Variants in HSD17B4 observed in about 807,000 individuals in gnomAD.
HSD17B4 encodes peroxisomal multifunctional enzyme type 2.
In HSD17B4, 70 loss-of-function variants were observed where a neutral mutation model predicts 101.0. That is an observed-to-expected ratio of 0.69 (90% CI 0.57 to 0.85). The LOEUF (loss-of-function observed/expected upper bound fraction) is 0.85. Among genes scored for constraint, HSD17B4 ranks in the 40% least tolerant of loss-of-function variants. The probability of loss-of-function intolerance (pLI) is 0.00; values close to 1 mark genes in which losing one functional copy is unlikely to be tolerated. For synonymous variants in HSD17B4, 347 were observed against 297.1 expected, an observed-to-expected ratio of 1.17 and a Z score of -1.73; for missense variants, 984 against 892.4, an observed-to-expected ratio of 1.10 and a Z score of -1.31.
At chr5:119,484,842 T>C (rs1434171827) in intron 8 of HSD17B4, among the ~76,000 whole-genome samples, 1 of 144,472 alleles carries the variant, frequency 6.9e-6, no homozygotes. Context: ...TTTTTTCCCC[T>C]GTTTCCTTGA....
At chr5:119,538,231 A>T (rs905254095) in intron 23 of HSD17B4, among the ~76,000 whole-genome samples, 7 of 152,184 alleles carry the variant, frequency 4.6e-5, no homozygotes, top group Non-Finnish European at 1.0e-4. Context: ...TGTAAAAATT[A>T]TCTTAGATTC....
At chr5:119,477,977 T>A (rs1485576838) in intron 7 of HSD17B4, 1 of 171,002 alleles carries the variant, frequency 5.8e-6, no homozygotes, top group African/African-American at 2.4e-5. Context: ...GGTCTCAAAC[T>A]CTTGGGCCCA....
intron 17 of HSD17B4, 56 bp downstream of exon 17, chr5:119,515,102 T>C: frequency 1.1e-6 from 1 of 917,334 alleles, no homozygotes; most frequent in South Asian, 1.3e-5. Flanking sequence ...CACTTTTTAA[T>C]TTATAGCTCT....
intron 14 of HSD17B4, among the ~76,000 whole-genome samples, chr5:119,503,179 C>A (rs1242710446): frequency 6.7e-6 from 1 of 150,304 alleles, no homozygotes. Context: ...AAGCTCCTTA[C>A]ATGTTTCATA....
intron 12 of HSD17B4, among the ~76,000 whole-genome samples, chr5:119,497,433 TTC>T (rs1221655955): frequency 2.0e-5 from 3 of 152,198 alleles, no homozygotes; most frequent in African/African-American, 7.2e-5. Context: ...ACAGTTCTCA[TTC>T]TACCCGTTCA....
At chr5:119,512,330 A>G (rs920949337) in intron 16 of HSD17B4, among the ~76,000 whole-genome samples, 11 of 152,178 alleles carry the variant, frequency 7.2e-5, no homozygotes, top group African/African-American at 2.7e-4. Context: ...AACATTATAC[A>G]TCCAAGAAGC....
rs765702241 is a variant in HSD17B4, at chr5:119,456,323, C to G, written c.67C>G (p.Arg23Gly). The G allele has an allele frequency of 4.0e-5, 65 of 1,610,502 alleles. No individual in the cohort carries two copies. Among genetic ancestry groups the G allele is most frequent in the Non-Finnish European group, 5.4e-5 (63 of 1,176,896 alleles). Residue 23 changes from arginine to glycine, a missense_variant, in exon 2 of 24, where the codon CGA becomes GGA. By Grantham distance (125) the Arg-to-Gly change is moderately radical. Coordinates refer to ENST00000510025, the MANE Select transcript of HSD17B4 (RefSeq NM_000414.4). Reference protein sequence around the residue: ...LVTGAGAGLGRAYALAFAERG... With the variant: ...LVTGAGAGLGGAYALAFAERG... The stretch of plus-strand genomic sequence containing the variant: ...ATTTTGTTTTTGATTAGGATTGGGC[C>G]GAGCCTATGCCCTGGCTTTTGCAGA...
At position 119,511,172 on chromosome 5, in the gene HSD17B4, G is replaced by A. The variant is rs140646235; in HGVS notation, c.1437+1928G>A. Among the ~76,000 whole-genome samples, 15 of 152,304 alleles carry A rather than the reference G, an allele frequency of 9.8e-5. No individual in the cohort carries two copies. In the East Asian group the frequency reaches 2.7e-3, roughly 27 times the overall value. ...TGCAGAAATTCTGCCTAGAGGGAGA[G>A]GAAGGCTGTAATAACACAAAGTTCT... On this transcript the variant is annotated intron_variant, in intron 16 of 23. Coordinates refer to ENST00000510025, the MANE Select transcript of HSD17B4 (RefSeq NM_000414.4).
At chr5:119,541,306 A>G (rs1754970047) in intron 23 of HSD17B4, among the ~76,000 whole-genome samples, 2 of 152,156 alleles carry the variant, frequency 1.3e-5, no homozygotes, top group African/African-American at 2.4e-5. Context: ...GAGTTGTGTT[A>G]TTTAGGGACT....
At position 119,458,834 on chromosome 5, in the gene HSD17B4, T is replaced by G. The variant is rs543841392; in HGVS notation, c.112+2466T>G. On this transcript the variant is annotated intron_variant, in intron 2 of 23. Transcript: ENST00000510025. ...AATTACATCTTTCAGGAAATGCTTG[T>G]GCATTTCTTAAGTAGGTTATTGGGA... Among the ~76,000 whole-genome samples, 45 of 152,346 alleles carry G rather than the reference T, an allele frequency of 3.0e-4. 1 individual carries two copies. The highest frequency in any genetic ancestry group is 1.1e-3 in the African/African-American group (44 of 41,580).
At chr5:119,525,174 A>G in intron 17 of HSD17B4, 42 bp from the exon 18 acceptor site, 22 of 1,411,878 alleles carry the variant, frequency 1.6e-5, no homozygotes, top group Non-Finnish European at 2.2e-5. Flanking sequence ...ATGTATTCTA[A>G]CAAAACACTG....
intron 11 of HSD17B4, among the ~76,000 whole-genome samples, chr5:119,494,793 A>G (rs1483505168): frequency 2.6e-5 from 4 of 152,150 alleles, no homozygotes; most frequent in African/African-American, 7.2e-5. Context: ...CATAGAAGGG[A>G]CTTAATAATT....
chr5:119,453,988 G>A (rs1754342460), intron 1 of HSD17B4, among the ~76,000 whole-genome samples: 1 of 152,150 alleles, frequency 6.6e-6, no homozygotes, highest in Non-Finnish European at 1.5e-5. Context: ...GGCTATATCT[G>A]AAAATCATTC....
chr5:119,502,188 C>G, intron 14 of HSD17B4, 96 bp downstream of exon 14: 1 of 810,676 alleles, frequency 1.2e-6, no homozygotes. Context: ...ATAGAGTGAC[C>G]TAATGAAACA....
chr5:119,529,822 G>C, intron 20 of HSD17B4, 72 bp from the exon 21 acceptor site: 1 of 883,398 alleles, frequency 1.1e-6, no homozygotes, highest in Non-Finnish European at 1.9e-6. Flanking sequence ...TTTAAACTTT[G>C]TACTGTTTCA....
Position 119,536,467 on chromosome 5 carries a change from G to T in HSD17B4, c.2038G>T (p.Ala680Ser). The T allele has an allele frequency of 6.2e-7, 1 of 1,612,300 alleles. No individual in the cohort carries two copies. Among genetic ancestry groups the T allele is most frequent in the Non-Finnish European group, 8.5e-7 (1 of 1,178,626 alleles). ...TTCTGGAAAAGTGTACCAAGGCCCT[G>T]CAAAAGGTGCTGCTGATACAACAAT... ...SGSGKVYQGP[A>S]KGAADTTIIL... The change falls in exon 23 of 24, where the codon GCA becomes TCA. Residue 680 changes from alanine (A) to serine (S), a missense_variant. Ala to Ser is a moderately conservative substitution (Grantham distance 99, BLOSUM62 1). Coordinates refer to ENST00000510025, the MANE Select transcript of HSD17B4 (RefSeq NM_000414.4).
intron 2 of HSD17B4, chr5:119,471,586 A>T (rs1756372481): frequency 1.4e-6 from 1 of 730,026 alleles, no homozygotes; most frequent in Non-Finnish European, 2.0e-6. Context: ...TTACATTTTC[A>T]TGTATACCAT....
At chr5:119,522,511 T>G (rs1439345016) in intron 17 of HSD17B4, among the ~76,000 whole-genome samples, 1 of 152,006 alleles carries the variant, frequency 6.6e-6, no homozygotes, top group Non-Finnish European at 1.5e-5. Context: ...AATTGCAATT[T>G]TAGTTTTATG....
chr5:119,510,736 C>T (rs532832258), intron 16 of HSD17B4, among the ~76,000 whole-genome samples: 58 of 152,178 alleles, frequency 3.8e-4, no homozygotes, highest in Middle Eastern at 3.4e-3. Flanking sequence ...AGTCACAACC[C>T]CTCCCTTTGT....
Sources: gnomAD v4.1 joint callset for allele counts (sites outside exome capture counted in the v4.1 genomes callset) on GRCh38, gnomAD v4.1.1 for gene constraint, MANE v1.5 for transcripts, NCBI Gene and HGNC (gene_info 2026-07-23, HGNC 2026-07-21) for gene names.